The following ETV5 variants were observed in gnomAD, a reference collection of about 807,000 sequenced individuals.
ETV5 encodes the protein ETS translocation variant 5.
In ETV5, 10 loss-of-function variants were observed where a neutral mutation model predicts 70.0. The observed-to-expected ratio is 0.14, with a 90% CI of 0.09 to 0.24. ETV5 has a LOEUF of 0.24. Ranked by LOEUF, ETV5 falls within the 10% of genes least tolerant of loss-of-function variation. The pLI is 1.00. For missense variants in ETV5, 453 were observed against 651.2 expected, an observed-to-expected ratio of 0.70 and a Z score of 3.31; for synonymous variants, 216 against 242.2, an observed-to-expected ratio of 0.89 and a Z score of 1.01.
chr3:186,069,085 A>G lies in ETV5; in HGVS notation c.651-3013T>C, dbSNP rs372205235. Reference sequence around the variant, plus strand: ...GATTTCTAGAACATCAAGATTTACAATCTTAAACTGAAGAGATCTGTGTAC... The same window carrying G: ...GATTTCTAGAACATCAAGATTTACAGTCTTAAACTGAAGAGATCTGTGTAC... On this transcript the variant is annotated intron_variant, in intron 7 of 12. Coordinates refer to ENST00000306376, the MANE Select transcript of ETV5 (RefSeq NM_004454.3). 2.3e-4 allele frequency among the ~76,000 whole-genome samples: 35 copies of G among 152,320 alleles called. No individual in the cohort carries two copies. In the East Asian group the frequency reaches 5.8e-3, roughly 25 times the overall value.
chr3:186,085,690 A>T (rs970586552), intron 5 of ETV5, among the ~76,000 whole-genome samples: 3 of 151,814 alleles, frequency 2.0e-5, no homozygotes, highest in African/African-American at 4.8e-5. Flanking sequence ...TTGTATTTTT[A>T]GTAGAGATGG....
chr3:186,101,023 T>C (rs1325780218), intron 5 of ETV5, among the ~76,000 whole-genome samples: 2 of 152,196 alleles, frequency 1.3e-5, no homozygotes, highest in Non-Finnish European at 2.9e-5. Context: ...TACCCCGACT[T>C]TGAAACACTC....
At chr3:186,064,356 GA>G (rs1455735079) in intron 9 of ETV5, 60 bp downstream of exon 9, 1 of 1,501,418 alleles carries the variant, frequency 6.7e-7, no homozygotes, top group African/African-American at 1.4e-5. Context: ...AAAGCCGAGA[GA>G]AAGAAAGGAA....
chr3:186,104,285 AG>A (rs1474375497), intron 5 of ETV5, among the ~76,000 whole-genome samples: 1 of 152,210 alleles, frequency 6.6e-6, no homozygotes, highest in Admixed American at 6.5e-5. Context: ...AAACCTGTTG[AG>A]GACAGCCCCA....
At chr3:186,107,840 A>G (rs556131111) in intron 1 of ETV5, among the ~76,000 whole-genome samples, 1 of 152,002 alleles carries the variant, frequency 6.6e-6, no homozygotes, top group African/African-American at 2.4e-5. Context: ...CCCCATTCAC[A>G]AAACAAGACA....
At chr3:186,072,259 G>A (rs1434953254) in intron 7 of ETV5, among the ~76,000 whole-genome samples, 3 of 151,952 alleles carry the variant, frequency 2.0e-5, no homozygotes, top group African/African-American at 7.2e-5. Context: ...TCGAATGCCT[G>A]TAAACCCAGG....
intron 7 of ETV5, among the ~76,000 whole-genome samples, chr3:186,073,061 G>T (rs534628973): frequency 1.3e-5 from 2 of 152,298 alleles, no homozygotes; most frequent in East Asian, 3.9e-4. Context: ...GAACTCGGGA[G>T]GGGGAGGTTT....
intron 5 of ETV5, among the ~76,000 whole-genome samples, chr3:186,103,515 C>T (rs1254602402): frequency 1.3e-5 from 2 of 152,118 alleles, no homozygotes; most frequent in Admixed American, 6.6e-5. Context: ...AGCCACCTCC[C>T]AAACAGACTG....
intron 7 of ETV5, among the ~76,000 whole-genome samples, chr3:186,066,661 T>G (rs1041572890): frequency 1.3e-5 from 2 of 152,212 alleles, no homozygotes; most frequent in African/African-American, 4.8e-5. Flanking sequence ...AGAATATATT[T>G]AGGACTTTGA....
At chr3:186,090,713 C>A (rs753087845) in intron 5 of ETV5, among the ~76,000 whole-genome samples, 2 of 152,210 alleles carry the variant, frequency 1.3e-5, no homozygotes, top group Non-Finnish European at 2.9e-5. Flanking sequence ...GGAAGGTTGG[C>A]AGAATTGAAG....
At chr3:186,084,645 G>A (rs912688101) in intron 5 of ETV5, among the ~76,000 whole-genome samples, 3 of 152,148 alleles carry the variant, frequency 2.0e-5, no homozygotes, top group Admixed American at 1.3e-4. Context: ...TAGGGCCTCA[G>A]TATGCTGAAT....
At position 186,048,689 on chromosome 3, in the gene ETV5, C is replaced by G. The variant is rs749747970; in HGVS notation, c.1483G>C (p.Asp495His). 1.2e-6 allele frequency: 2 copies of G among 1,614,142 alleles called. No individual in the cohort carries two copies. The highest frequency in any genetic ancestry group is 3.3e-5 in the Admixed American group (2 of 60,014). ...HFEDSPAYLL[D>H]MDRCSSLPYA... ...GGGAGGCTGCTGCAGCGGTCCATGT[C>G]CAGGAGGTAAGCGGGGCTGTCTTCA... Residue 495 changes from aspartate to histidine, a missense_variant, in exon 13 of 13, where the codon GAC (aspartate) becomes CAC (histidine). Coordinates refer to ENST00000306376, the MANE Select transcript of ETV5 (RefSeq NM_004454.3).
chr3:186,108,204 A>G (rs1278271878), intron 1 of ETV5, among the ~76,000 whole-genome samples: 1 of 144,012 alleles, frequency 6.9e-6, no homozygotes, highest in East Asian at 2.2e-4. Flanking sequence ...ACCCTCTGAA[A>G]ATGCGGCCGG....
At chr3:186,087,115 T>A (rs1714077282) in intron 5 of ETV5, among the ~76,000 whole-genome samples, 1 of 152,192 alleles carries the variant, frequency 6.6e-6, no homozygotes, top group Non-Finnish European at 1.5e-5. Context: ...TTCCCAAATT[T>A]ATCTATAGGT....
chr3:186,082,421 C>T (rs1713953472), intron 5 of ETV5, among the ~76,000 whole-genome samples: 1 of 149,406 alleles, frequency 6.7e-6, no homozygotes, highest in Non-Finnish European at 1.5e-5. Context: ...CAAATCATCA[C>T]TTTTCTCTTT....
intron 8 of ETV5, among the ~76,000 whole-genome samples, chr3:186,065,517 C>T (rs940945518): frequency 6.6e-6 from 1 of 152,088 alleles, no homozygotes; most frequent in African/African-American, 2.4e-5. Flanking sequence ...AAATTCCATC[C>T]AAAACTGAAC....
At position 186,105,609 on chromosome 3, in the gene ETV5, G is replaced by A. The variant is rs1714568762; in HGVS notation, c.133+16C>T. 6.2e-7 allele frequency: 1 copy of A among 1,614,058 alleles called. No individual in the cohort carries two copies. The highest frequency in any genetic ancestry group is 1.3e-5 in the African/African-American group (1 of 75,046). On this transcript the variant is annotated intron_variant, in intron 3 of 12. Coordinates refer to ENST00000306376, the MANE Select transcript of ETV5 (RefSeq NM_004454.3). The surrounding 1 kb of genome is among the most constrained non-coding windows in gnomAD (Gnocchi z 4.5). The stretch of plus-strand genomic sequence containing the variant: ...GAGCAGGGAAGCCACAACATAATCA[G>A]GGAAAGCTTTACTACCTTCAGAATC...
chr3:186,064,579 G>T, intron 8 of ETV5, 103 bp from the exon 9 acceptor site: 1 of 1,121,766 alleles, frequency 8.9e-7, no homozygotes, highest in Non-Finnish European at 1.4e-6. Context: ...TAAACTTCCT[G>T]CTCTGGGGTC....
chr3:186,106,684 C>T (rs1012792327), intron 1 of ETV5, among the ~76,000 whole-genome samples: 3 of 152,152 alleles, frequency 2.0e-5, no homozygotes, highest in African/African-American at 7.2e-5. Context: ...TACCAAAGGT[C>T]TTTTAAAACT....
Sources: gnomAD v4.1 joint callset for allele counts (sites outside exome capture counted in the v4.1 genomes callset) on GRCh38, gnomAD v4.1.1 for gene constraint, Gnocchi (gnomAD v3.1) non-coding constraint, MANE v1.5 for transcripts, NCBI Gene and HGNC (gene_info 2026-07-23, HGNC 2026-07-21) for gene names.